The following MPDZ variants were observed in gnomAD, a reference collection of about 807,000 sequenced individuals.
The protein encoded by MPDZ is multiple PDZ domain protein.
Under a neutral mutation model 239.1 loss-of-function variants are expected in MPDZ, and 234 were observed. That is an observed-to-expected ratio of 0.98 (90% CI 0.88 to 1.09). The LOEUF is 1.09. MPDZ is among the 50% of genes least tolerant of loss of function. The pLI, the probability that MPDZ is intolerant of heterozygous loss-of-function variation, is 0.00. For synonymous variants in MPDZ, 1,048 were observed against 881.3 expected (o/e 1.19, Z -3.35); for missense variants, 3,175 against 2,510.0 (o/e 1.26, Z -5.66).
intron 38 of MPDZ, among the ~76,000 whole-genome samples, chr9:13,121,111 T>G (rs1014347346): frequency 1.3e-5 from 2 of 152,232 alleles, no homozygotes; most frequent in Non-Finnish European, 2.9e-5. Context: ...GTTGTGAATT[T>G]TTGCGCATTC....
intron 12 of MPDZ, among the ~76,000 whole-genome samples, chr9:13,203,238 G>A (rs1407869849): frequency 2.6e-5 from 4 of 152,134 alleles, no homozygotes; most frequent in Non-Finnish European, 4.4e-5. Flanking sequence ...AGACTACAGG[G>A]AAGCTTTGAA....
At position 13,215,753 on chromosome 9, in the gene MPDZ, GT is replaced by G. The variant is rs56281339; in HGVS notation, c.1290+1020del. Among the ~76,000 whole-genome samples the G allele has an allele frequency of 2.7e-4, 24 of 89,048 alleles. 1 individual carries two copies. The highest frequency in any genetic ancestry group is 1.0e-3 in the African/African-American group (23 of 23,050). 58.4% of individuals were successfully genotyped at this position (89,048 alleles called of 152,430 possible). A position where few individuals can be genotyped will look rare whatever the true frequency, so the allele number is the denominator to read the frequency against. On this transcript the variant is annotated intron_variant, in intron 10 of 46. Coordinates refer to ENST00000319217, the MANE Select transcript of MPDZ (RefSeq NM_001378778.1). ...AGATAAACAGGTTTCTCTATTGCAGGTTTTTTTTTTTTTTTTTTTTTGTCTT... is the reference window on the plus strand; with the variant it reads ...AGATAAACAGGTTTCTCTATTGCAGGTTTTTTTTTTTTTTTTTTTTGTCTT...
chr9:13,238,569 C>T (rs1052625117), intron 3 of MPDZ, among the ~76,000 whole-genome samples: 1 of 152,060 alleles, frequency 6.6e-6, no homozygotes, highest in Non-Finnish European at 1.5e-5. Context: ...CACATGTGTC[C>T]GTGTCCTTAA....
At chr9:13,242,968 A>G (rs921498214) in intron 3 of MPDZ, among the ~76,000 whole-genome samples, 2 of 152,148 alleles carry the variant, frequency 1.3e-5, no homozygotes, top group South Asian at 2.1e-4. Flanking sequence ...GGGAATGGAG[A>G]GCATAAAATA....
At chr9:13,141,699 A>C (rs1440543842) in intron 27 of MPDZ, among the ~76,000 whole-genome samples, 2 of 152,168 alleles carry the variant, frequency 1.3e-5, no homozygotes, top group Non-Finnish European at 2.9e-5. Context: ...AGGATACCTA[A>C]AAATATATGT....
rs1941950578 is a variant in MPDZ at position 13,108,972 on chromosome 9, T to C, written c.6030A>G (p.Gly2010=). 1 of 1,609,266 alleles carries C rather than the reference T, an allele frequency of 6.2e-7. No individual in the cohort carries two copies. The highest frequency in any genetic ancestry group is 1.3e-5 in the African/African-American group (1 of 74,768). The change falls in exon 46 of 47, where the codon GGA becomes GGG. Residue 2010 remains glycine, a synonymous_variant. Coordinates refer to ENST00000319217, the MANE Select transcript of MPDZ (RefSeq NM_001378778.1). ...CTGTTTTAACATAAATGGGTAAGTCTCCATGAGGGCTGCCATATCCTCCAA... is the reference window on the plus strand; with the variant it reads ...CTGTTTTAACATAAATGGGTAAGTCCCCATGAGGGCTGCCATATCCTCCAA... The part of the protein sequence containing the change: ...SIVGGYGSPH[G]DLPIYVKTVF...
chr9:13,181,674 G>C (rs952274497), intron 19 of MPDZ, among the ~76,000 whole-genome samples: 1 of 152,162 alleles, frequency 6.6e-6, no homozygotes, highest in African/African-American at 2.4e-5. Context: ...TACAAAAGGA[G>C]GCAAACAGAC....
In MPDZ at chr9:13,125,343, G is replaced by C; in HGVS notation, c.4680C>G (p.Ile1560Met). ...CCTGGGAATCTGGATTCTCAGCATG[G>C]ATGGTAAGTTTTACTGTCATCTTTG... ...KTAKMTVKLT[I>M]HAENPDSQAV... Residue 1560 changes from isoleucine to methionine, a missense_variant, in exon 35 of 47, where the codon ATC becomes ATG. Ile to Met is a conservative substitution (Grantham distance 10). Transcript: ENST00000319217. The C allele has an allele frequency of 6.2e-7, 1 of 1,613,824 alleles. No homozygotes were observed. Among genetic ancestry groups the C allele is most frequent in the Non-Finnish European group, 8.5e-7 (1 of 1,179,740 alleles).
In MPDZ at chr9:13,188,783, C is replaced by G. The variant is rs767669471; in HGVS notation, c.2364+1G>C. 6.2e-7 allele frequency: 1 copy of G among 1,607,582 alleles called. No homozygotes were observed. The highest frequency in any genetic ancestry group is 8.5e-7 in the Non-Finnish European group (1 of 1,175,942). On this transcript the variant is annotated splice_donor_variant, in intron 17 of 46. Transcript: ENST00000319217. LOFTEE classifies it high-confidence loss of function. ...GGAAGCAATAAAGTCTGAATTCTTA[C>G]GGGTAAAGGCTTAGCAACTCCTATT...
intron 39 of MPDZ, among the ~76,000 whole-genome samples, chr9:13,117,509 C>A (rs1943655765): frequency 6.9e-6 from 1 of 144,438 alleles, no homozygotes. Flanking sequence ...CCAGCCTGGG[C>A]AACAGAGCGG....
At position 13,168,449 on chromosome 9, in the gene MPDZ, A is replaced by G; in HGVS notation, c.3171T>C (p.Ile1057=). The change falls in exon 22 of 47, where the codon ATT becomes ATC. Residue 1057 remains isoleucine (I), a synonymous_variant. Transcript: ENST00000319217. The part of the protein sequence containing the change: ...RIAIGDCILS[I]NEESTISVTN... ...TTACACTGATGGTAGACTCTTCATT[A>G]ATGGACAAGATGCAGTCCCCAATGG... 1 of 1,613,566 alleles carries G rather than the reference A, an allele frequency of 6.2e-7. No homozygotes were observed. Among genetic ancestry groups the G allele is most frequent in the Non-Finnish European group, 8.5e-7 (1 of 1,179,584 alleles).
intron 35 of MPDZ, among the ~76,000 whole-genome samples, chr9:13,124,296 A>C (rs1291583227): frequency 6.6e-6 from 1 of 152,234 alleles, no homozygotes; most frequent in South Asian, 2.1e-4. Context: ...TTAACACTTC[A>C]GTGAATTATC....
At chr9:13,263,678 T>C (rs962071386) in intron 1 of MPDZ, among the ~76,000 whole-genome samples, 8 of 152,222 alleles carry the variant, frequency 5.3e-5, no homozygotes, top group Non-Finnish European at 5.9e-5. Flanking sequence ...TAGAAGCAGA[T>C]ACTTATGGCC....
At chr9:13,255,166 T>C (rs1295927239) in intron 1 of MPDZ, among the ~76,000 whole-genome samples, 5 of 152,212 alleles carry the variant, frequency 3.3e-5, no homozygotes, top group Non-Finnish European at 5.9e-5. Flanking sequence ...TACTCATCCA[T>C]AAAAAGCAAC....
chr9:13,175,269 C>T (rs1277284363), intron 21 of MPDZ, among the ~76,000 whole-genome samples: 4 of 152,278 alleles, frequency 2.6e-5, no homozygotes, highest in Admixed American at 2.6e-4. Flanking sequence ...CTGGGAAGTC[C>T]TACTGAATAA....
intron 19 of MPDZ, among the ~76,000 whole-genome samples, chr9:13,180,057 C>T (rs1474763275): frequency 1.3e-5 from 2 of 152,000 alleles, no homozygotes; most frequent in Non-Finnish European, 2.9e-5. Flanking sequence ...TCTTTTATAC[C>T]TTGGAGAGCC....
In MPDZ at chr9:13,143,559, G is replaced by T; in HGVS notation, c.3747C>A (p.Ser1249=). 1 of 1,612,286 alleles carries T rather than the reference G, an allele frequency of 6.2e-7. No homozygotes were observed. Among genetic ancestry groups the T allele is most frequent in the Non-Finnish European group, 8.5e-7 (1 of 1,178,580 alleles). The change falls in exon 27 of 47, where the codon TCC becomes TCA. Residue 1249 remains serine, a synonymous_variant. Coordinates refer to ENST00000319217, the MANE Select transcript of MPDZ (RefSeq NM_001378778.1). ...VQSIINRPRK[S]PLPSLLHNLY... ...GGTTGTGCAGCAAGGAAGGCAAAGG[G>T]GATTTCTAAAAGGAAACATAAGAGG... is the stretch of plus-strand genomic sequence containing the variant.
Position 13,176,339 on chromosome 9 carries a change from G to T in MPDZ, c.2728C>A (p.Gln910Lys), listed in dbSNP as rs1233565987. ...LEELYTQNLLQRQDENTPSVD... is the reference protein window; with the variant it reads ...LEELYTQNLLKRQDENTPSVD... Reference sequence around the variant, plus strand: ...GAAGGTGTATTCTCATCCTGTCTTTGCAGGAGATTCTGGGTATATAGTTCC... The same window carrying T: ...GAAGGTGTATTCTCATCCTGTCTTTTCAGGAGATTCTGGGTATATAGTTCC... Residue 910 changes from glutamine (Q) to lysine (K), a missense_variant, in exon 20 of 47, where the codon CAA becomes AAA. Transcript: ENST00000319217. 6.2e-7 allele frequency: 1 copy of T among 1,608,032 alleles called. No homozygotes were observed. The highest frequency in any genetic ancestry group is 1.3e-5 in the African/African-American group (1 of 74,836).
rs1335303515 is a variant in MPDZ at position 13,193,163 on chromosome 9, T to C, written c.1803+4A>G. ...GGAGGAGAAGGAACAGCATAGCTCCTTACTTCCAATAGCTCGTCTCCACTG... is the reference window on the plus strand; with the variant it reads ...GGAGGAGAAGGAACAGCATAGCTCCCTACTTCCAATAGCTCGTCTCCACTG... On this transcript the variant is annotated splice_donor_region_variant and intron_variant, in intron 14 of 46. Transcript: ENST00000319217. The C allele has an allele frequency of 1.9e-6, 3 of 1,569,604 alleles. No homozygotes were observed. In the African/African-American group the frequency reaches 4.1e-5, roughly 21 times the overall value.
Sources: gnomAD v4.1 joint callset for allele counts (sites outside exome capture counted in the v4.1 genomes callset) on GRCh38, gnomAD v4.1.1 for gene constraint, MANE v1.5 for transcripts, NCBI Gene and HGNC (gene_info 2026-07-23, HGNC 2026-07-21) for gene names.